The following BPNT1 variants were observed in gnomAD, a reference collection of about 807,000 sequenced individuals.
The protein encoded by BPNT1 is 3'(2'),5'-bisphosphate nucleotidase 1.
A neutral mutation model predicts 36.9 loss-of-function variants in BPNT1; 28 were observed. The observed-to-expected ratio is 0.76, with a 90% CI of 0.56 to 1.04. The LOEUF (loss-of-function observed/expected upper bound fraction) is 1.04. BPNT1 is among the 50% of genes least tolerant of loss of function. BPNT1 has a pLI of 0.00. For missense variants in BPNT1, 313 were observed against 372.9 expected (o/e 0.84, Z 1.32); for synonymous variants, 119 against 130.9 (o/e 0.91, Z 0.62).
chr1:220,062,677 C>A, intron 7 of BPNT1, 80 bp downstream of exon 7: 1 of 1,502,598 alleles, frequency 6.7e-7, no homozygotes, highest in South Asian at 1.2e-5. Context: ...GATGGCTAAA[C>A]TCTTATTTCA....
At position 220,067,336 on chromosome 1, in the gene BPNT1, G is replaced by T. The variant is rs1384240642; in HGVS notation, c.440C>A (p.Ala147Glu). ...IGIAYEGKAI[A>E]GVINQPYYNY... ...GTAATATGGCTGGTTAATAACTCCT[G>T]CTATGGCTTTTCCTTCATAAGCAAT... Residue 147 changes from alanine to glutamate, a missense_variant, in exon 6 of 9, where the codon GCA (alanine) becomes GAA (glutamate). By Grantham distance (107) the Ala-to-Glu change is moderately radical (BLOSUM62 -1). Transcript: ENST00000322067. 1 of 1,609,962 alleles carries T rather than the reference G, an allele frequency of 6.2e-7. No individual in the cohort carries two copies. Among genetic ancestry groups the T allele is most frequent in the Non-Finnish European group, 8.5e-7 (1 of 1,177,516 alleles).
At chr1:220,059,074 CT>C in intron 8 of BPNT1, 82 bp from the exon 9 acceptor site, 3 of 1,417,210 alleles carry the variant, frequency 2.1e-6, no homozygotes, top group Non-Finnish European at 2.9e-6. Context: ...GTGCCTTTTG[CT>C]TCCTTATCCA....
Position 220,081,571 on chromosome 1 carries a change from A to T in BPNT1, c.-8-1717T>A, listed in dbSNP as rs540776903. Among the ~76,000 whole-genome samples the T allele has an allele frequency of 2.0e-4, 30 of 152,172 alleles. 1 individual carries two copies. The South Asian group carries it at 6.2e-3, about 32-fold the overall frequency. On this transcript the variant is annotated intron_variant, in intron 1 of 8. Coordinates refer to ENST00000322067, the MANE Select transcript of BPNT1 (RefSeq NM_006085.6). ...AAAAAAAAAGAAAATATGAATTCAA[A>T]TCCCGAAATTTTCGTGACTGTCCTG...
In BPNT1 at chr1:220,058,669, T is replaced by C. The variant is rs1268640885; in HGVS notation, c.*175A>G. On this transcript the variant is annotated 3_prime_UTR_variant, in exon 9 of 9. Coordinates refer to ENST00000322067, the MANE Select transcript of BPNT1 (RefSeq NM_006085.6). ...GCTTCAGCCTCTCAAGTAGCTGGGATGACAGGCGCATGACAGGATGCCCAG... is the reference window on the plus strand; with the variant it reads ...GCTTCAGCCTCTCAAGTAGCTGGGACGACAGGCGCATGACAGGATGCCCAG... The C allele has an allele frequency of 1.3e-6, 1 of 756,292 alleles. No individual in the cohort carries two copies. The highest frequency in any genetic ancestry group is 2.0e-6 in the Non-Finnish European group (1 of 511,592). 46.8% of individuals were successfully genotyped at this position (756,292 alleles called of 1,614,324 possible).
chr1:220,063,538 T>C (rs968432037), intron 6 of BPNT1, among the ~76,000 whole-genome samples: 1 of 152,198 alleles, frequency 6.6e-6, no homozygotes, highest in African/African-American at 2.4e-5. Context: ...GATTACTGTT[T>C]CTCTGAATTA....
At chr1:220,088,010 T>C (rs886283960) in intron 1 of BPNT1, among the ~76,000 whole-genome samples, 3 of 151,994 alleles carry the variant, frequency 2.0e-5, no homozygotes, top group Non-Finnish European at 4.4e-5. Context: ...CCCGAGTAGC[T>C]GGGATTACAG....
intron 8 of BPNT1, 85 bp from the exon 9 acceptor site, chr1:220,059,077 C>T (rs1234597200): frequency 1.4e-6 from 2 of 1,396,074 alleles, no homozygotes; most frequent in East Asian, 4.6e-5. Context: ...CCTTTTGCTT[C>T]CTTATCCAAT....
chr1:220,058,038 G>A lies in BPNT1; in HGVS notation c.*806C>T, dbSNP rs1232587967. 5.4e-6 allele frequency: 3 copies of A among 559,656 alleles called. No homozygotes were observed. The highest frequency in any genetic ancestry group is 7.6e-5 in the East Asian group (1 of 13,092). 34.7% of individuals were successfully genotyped at this position (559,656 alleles called of 1,614,324 possible). A position where few individuals can be genotyped will look rare whatever the true frequency, so the allele number is the denominator to read the frequency against. On this transcript the variant is annotated 3_prime_UTR_variant, in exon 9 of 9. Transcript: ENST00000322067. ...TAAAAATACAAAAAATTAGCCAGGCGTGGTGGCGGTGCCTGCAGTCCCAGC... is the reference window on the plus strand; with the variant it reads ...TAAAAATACAAAAAATTAGCCAGGCATGGTGGCGGTGCCTGCAGTCCCAGC...
intron 1 of BPNT1, among the ~76,000 whole-genome samples, chr1:220,082,063 A>ATAT (rs1655177714): frequency 9.1e-6 from 1 of 110,416 alleles, no homozygotes; most frequent in Non-Finnish European, 1.7e-5. Context: ...TTCCAAGGAC[A>ATAT]ATATATATAT....
intron 1 of BPNT1, among the ~76,000 whole-genome samples, chr1:220,085,213 G>A (rs990069861): frequency 3.9e-5 from 6 of 152,166 alleles, no homozygotes; most frequent in Non-Finnish European, 8.8e-5. Context: ...TAGATTAAGA[G>A]CAAGGCCCAA....
intron 6 of BPNT1, chr1:220,065,983 TG>T: frequency 1.2e-6 from 1 of 854,802 alleles, no homozygotes. Context: ...AACTGGTATG[TG>T]GGATGTACAA....
In BPNT1 at chr1:220,081,118, G is replaced by A. The variant is rs1489968193; in HGVS notation, c.-8-1264C>T. Among the ~76,000 whole-genome samples the A allele has an allele frequency of 2.6e-5, 4 of 151,866 alleles. No individual in the cohort carries two copies. In the East Asian group the frequency reaches 5.9e-4, roughly 22 times the overall value. On this transcript the variant is annotated intron_variant, in intron 1 of 8. Coordinates refer to ENST00000322067, the MANE Select transcript of BPNT1 (RefSeq NM_006085.6). ...CATGCTCGGCTAATTTTTATTTTTA[G>A]TGGACACGGGGTTGCATCATCTTGG...
intron 2 of BPNT1, 87 bp from the exon 3 acceptor site, chr1:220,074,158 G>C (rs189485725): frequency 5.2e-5 from 61 of 1,172,544 alleles, no homozygotes; most frequent in Non-Finnish European, 7.0e-5. Context: ...ACATAATTTA[G>C]ATTACACTGT....
Position 220,062,810 on chromosome 1 carries a change from C to G in BPNT1, c.619G>C (p.Val207Leu). The G allele has an allele frequency of 6.2e-6, 10 of 1,614,190 alleles. No homozygotes were observed. The highest frequency in any genetic ancestry group is 8.5e-6 in the Non-Finnish European group (10 of 1,180,026). The change falls in exon 7 of 9, where the codon GTT becomes CTT. Residue 207 changes from valine (V) to leucine (L), a missense_variant. Coordinates refer to ENST00000322067, the MANE Select transcript of BPNT1 (RefSeq NM_006085.6). ...SHSNKLVTDC[V>L]AAMNPDAVLR... ...ACAGCATCGGGGTTCATAGCAGCAA[C>G]ACAGTCAGTAACCAACTTGTTGCTA...
intron 8 of BPNT1, 51 bp downstream of exon 8, chr1:220,059,635 A>C: frequency 7.6e-7 from 1 of 1,312,086 alleles, no homozygotes; most frequent in South Asian, 1.3e-5. Context: ...ATGTCTTAGC[A>C]TGATATAATT....
intron 2 of BPNT1, among the ~76,000 whole-genome samples, chr1:220,078,567 T>C (rs1280224063): frequency 6.9e-6 from 1 of 144,394 alleles, no homozygotes; most frequent in East Asian, 1.9e-4. Context: ...AAATATAATA[T>C]ATATTATATA....
intron 6 of BPNT1, chr1:220,066,865 G>A (rs931781699): frequency 6.6e-6 from 1 of 152,308 alleles, no homozygotes. Flanking sequence ...TTTCTTGAAT[G>A]TGCTTCAGGA....
At chr1:220,065,922 G>A (rs1202596300) in intron 6 of BPNT1, 1 of 445,824 alleles carries the variant, frequency 2.2e-6, no homozygotes, top group Non-Finnish European at 3.9e-6. Context: ...GTGTCCAGAA[G>A]GGAAGTGGTA....
intron 7 of BPNT1, among the ~76,000 whole-genome samples, chr1:220,062,307 C>T (rs375439800): frequency 8.0e-6 from 1 of 124,788 alleles, no homozygotes; most frequent in Non-Finnish European, 1.6e-5. Flanking sequence ...CCCCACCCCA[C>T]AACAGTCCCC....
Sources: allele counts gnomAD v4.1 joint callset (sites outside exome capture counted in the v4.1 genomes callset), GRCh38; gene constraint gnomAD v4.1.1; transcripts MANE v1.5; gene names NCBI Gene and HGNC (gene_info 2026-07-23, HGNC 2026-07-21).